The following SRBD1 variants were observed in gnomAD, a reference collection of about 807,000 sequenced individuals.
The protein encoded by SRBD1 is S1 RNA-binding domain-containing protein 1.
In SRBD1, 88 loss-of-function variants were observed where a neutral mutation model predicts 115.3. The ratio of observed to expected loss-of-function variants is 0.76; its 90% confidence interval spans 0.64 to 0.91. The LOEUF (loss-of-function observed/expected upper bound fraction) is 0.91, where lower values mean the gene tolerates loss of function less well. Ranked by LOEUF, SRBD1 falls within the 40% of genes least tolerant of loss-of-function variation. The probability of loss-of-function intolerance (pLI) is 0.00; values close to 1 mark genes in which losing one functional copy is unlikely to be tolerated. For synonymous variants in SRBD1, 509 were observed against 407.7 expected (o/e 1.25, Z -2.99); for missense variants, 1,385 against 1,177.4 (o/e 1.18, Z -2.58).
chr2:45,492,168 C>T (rs1282236754), intron 14 of SRBD1, among the ~76,000 whole-genome samples: 1 of 152,094 alleles, frequency 6.6e-6, no homozygotes, highest in Non-Finnish European at 1.5e-5. Flanking sequence ...GTGTTACTTA[C>T]AAAAAGCTAA....
At chr2:45,408,476 G>A (rs1235152207) in intron 19 of SRBD1, among the ~76,000 whole-genome samples, 2 of 152,190 alleles carry the variant, frequency 1.3e-5, no homozygotes, top group African/African-American at 4.8e-5. Flanking sequence ...CTCCTCCTGA[G>A]AGACAAGCTT....
In SRBD1 at chr2:45,574,772, G is replaced by T. The variant is rs200687338; in HGVS notation, c.1073-49C>A. 1.8e-4 allele frequency: 266 copies of T among 1,469,916 alleles called. 1 individual carries two copies. The African/African-American group carries it at 3.3e-3, about 18-fold the overall frequency. The allele number at this position is 1,469,916 out of a possible 1,614,324, so 91.1% of individuals were successfully genotyped here. ...AAACAAAAACAAAAAGTATACGATT[G>T]GTTTTAAATTCTATAACTAAATCAC... On this transcript the variant is annotated intron_variant, in intron 7 of 20. Transcript: ENST00000263736.
At chr2:45,575,574 G>A (rs1673150761) in intron 7 of SRBD1, among the ~76,000 whole-genome samples, 1 of 152,176 alleles carries the variant, frequency 6.6e-6, no homozygotes, top group African/African-American at 2.4e-5. Flanking sequence ...AAGCCAAAGA[G>A]GACAGGAAGA....
At chr2:45,482,645 CAA>C (rs1437845082) in intron 15 of SRBD1, among the ~76,000 whole-genome samples, 85 of 141,938 alleles carry the variant, frequency 6.0e-4, no homozygotes, top group African/African-American at 2.1e-3. Context: ...CACACACACA[CAA>C]ACCCATGAAT....
At chr2:45,500,268 T>C (rs1670587561) in intron 14 of SRBD1, among the ~76,000 whole-genome samples, 1 of 150,762 alleles carries the variant, frequency 6.6e-6, no homozygotes, top group Non-Finnish European at 1.5e-5. Flanking sequence ...AAATTTATTC[T>C]GTGCATGTCT....
chr2:45,479,589 C>A (rs1669901814), intron 15 of SRBD1, among the ~76,000 whole-genome samples: 2 of 152,166 alleles, frequency 1.3e-5, no homozygotes, highest in Non-Finnish European at 2.9e-5. Context: ...GAGGAAACTG[C>A]AGAAGAAAAG....
chr2:45,590,201 T>C (rs1273265415), intron 4 of SRBD1, among the ~76,000 whole-genome samples: 2 of 152,264 alleles, frequency 1.3e-5, no homozygotes, highest in Non-Finnish European at 1.5e-5. Context: ...GAAAGAGATC[T>C]GACCTAACCA....
At chr2:45,545,453 T>C (rs1352287826) in intron 14 of SRBD1, among the ~76,000 whole-genome samples, 2 of 152,060 alleles carry the variant, frequency 1.3e-5, no homozygotes, top group African/African-American at 4.8e-5. Context: ...TTAATATTTT[T>C]TATGATTTGA....
At chr2:45,519,845 GCAA>G (rs1286344355) in intron 14 of SRBD1, among the ~76,000 whole-genome samples, 2 of 152,028 alleles carry the variant, frequency 1.3e-5, no homozygotes, top group African/African-American at 4.8e-5. Context: ...TTTAATCCTT[GCAA>G]CAACCTTATA....
chr2:45,475,772 C>T (rs111314979), intron 16 of SRBD1, among the ~76,000 whole-genome samples: 1 of 152,218 alleles, frequency 6.6e-6, no homozygotes, highest in African/African-American at 2.4e-5. Context: ...AATCTTGGCT[C>T]ACTGCAACCT....
chr2:45,511,329 T>G (rs1315093165), intron 14 of SRBD1, among the ~76,000 whole-genome samples: 1 of 152,216 alleles, frequency 6.6e-6, no homozygotes, highest in Non-Finnish European at 1.5e-5. Context: ...TAATAAGATG[T>G]TCTTGGCAGC....
intron 16 of SRBD1, among the ~76,000 whole-genome samples, chr2:45,460,900 T>C (rs1669292606): frequency 6.6e-6 from 1 of 152,208 alleles, no homozygotes; most frequent in African/African-American, 2.4e-5. Context: ...GGACTGTCCA[T>C]GATCATTACT....
chr2:45,449,620 T>C (rs1668931221), intron 16 of SRBD1, among the ~76,000 whole-genome samples: 1 of 152,180 alleles, frequency 6.6e-6, no homozygotes, highest in Admixed American at 6.6e-5. Context: ...ATTAGGACTA[T>C]AATTTTGGCC....
intron 9 of SRBD1, among the ~76,000 whole-genome samples, chr2:45,568,493 A>G (rs945365080): frequency 6.6e-6 from 1 of 152,188 alleles, no homozygotes; most frequent in African/African-American, 2.4e-5. Flanking sequence ...CCTGTACATG[A>G]TAAACTAAAA....
At chr2:45,471,570 T>C (rs1669648273) in intron 16 of SRBD1, among the ~76,000 whole-genome samples, 1 of 152,180 alleles carries the variant, frequency 6.6e-6, no homozygotes, top group African/African-American at 2.4e-5. Context: ...TACAAGTGCA[T>C]TTTAATAGGT....
intron 12 of SRBD1, 64 bp downstream of exon 12, chr2:45,551,061 T>C (rs911207787): frequency 3.7e-5 from 56 of 1,522,104 alleles, no homozygotes; most frequent in Non-Finnish European, 4.9e-5. Flanking sequence ...CCTCATGAAA[T>C]GTATGAAGTG....
chr2:45,506,750 TG>T (rs1670810962), intron 14 of SRBD1, among the ~76,000 whole-genome samples: 1 of 152,226 alleles, frequency 6.6e-6, no homozygotes, highest in African/African-American at 2.4e-5. Context: ...CATAGTCATT[TG>T]AAGACCAAGA....
At chr2:45,530,897 T>A (rs978065750) in intron 14 of SRBD1, among the ~76,000 whole-genome samples, 1 of 152,002 alleles carries the variant, frequency 6.6e-6, no homozygotes, top group African/African-American at 2.4e-5. Context: ...GCCTAAGAGT[T>A]CGAGATCAGC....
rs771355245 is a variant in SRBD1 at position 45,393,063 on chromosome 2, A to C, written c.2580T>G (p.Asn860Lys). ...VGKPEMQQKI[N>K]SFLEKEGMEK... is the part of the protein sequence containing the mutation. ...CCATTCCTTCCTTTTCAAGGAATGA[A>C]TTTATTTTTTGTTGCATTTCAGGCT... The change falls in exon 20 of 21, where the codon AAT (asparagine) becomes AAG (lysine). Residue 860 changes from asparagine to lysine, a missense_variant. By Grantham distance (94) the Asn-to-Lys change is moderately conservative. Transcript: ENST00000263736. 1.2e-6 allele frequency: 2 copies of C among 1,613,886 alleles called. No homozygotes were observed. The highest frequency in any genetic ancestry group is 1.7e-6 in the Non-Finnish European group (2 of 1,179,966).
Sources: allele counts gnomAD v4.1 joint callset (sites outside exome capture counted in the v4.1 genomes callset), GRCh38; gene constraint gnomAD v4.1.1; transcripts MANE v1.5; gene names NCBI Gene and HGNC (gene_info 2026-07-23, HGNC 2026-07-21).